Variants in FCRL4 observed in about 807,000 individuals in gnomAD.
FCRL4 encodes Fc receptor like 4.
In FCRL4, 43 loss-of-function variants were observed where a neutral mutation model predicts 64.1. That is an observed-to-expected ratio of 0.67 (90% CI 0.53 to 0.87). The LOEUF (loss-of-function observed/expected upper bound fraction) is 0.87, where lower values mean the gene tolerates loss of function less well. Ranked by LOEUF, FCRL4 falls within the 40% of genes least tolerant of loss-of-function variation. The pLI is 0.00. For synonymous variants in FCRL4, 253 were observed against 239.8 expected, an observed-to-expected ratio of 1.05 and a Z score of -0.51; for missense variants, 656 against 613.5, an observed-to-expected ratio of 1.07 and a Z score of -0.73.
intron 5 of FCRL4, 59 bp downstream of exon 5, chr1:157,587,217 C>T: frequency 1.9e-6 from 3 of 1,576,396 alleles, no homozygotes; most frequent in Non-Finnish European, 2.6e-6. Flanking sequence ...AGTCCCCATG[C>T]CTACAGAGCC....
At chr1:157,585,541 G>T (rs1652672355) in intron 6 of FCRL4, among the ~76,000 whole-genome samples, 4 of 151,986 alleles carry the variant, frequency 2.6e-5, no homozygotes, top group Admixed American at 2.0e-4. Flanking sequence ...GCCCAGTGTG[G>T]CTTCTCAGCG....
At position 157,575,258 on chromosome 1, in the gene FCRL4, C is replaced by A; in HGVS notation, c.*266G>T. 1 of 496,844 alleles carries A rather than the reference C, an allele frequency of 2.0e-6. No individual in the cohort carries two copies. The highest frequency in any genetic ancestry group is 3.7e-6 in the Non-Finnish European group (1 of 272,688). The allele number at this position is 496,844 out of a possible 1,614,324, so 30.8% of individuals were successfully genotyped here. On this transcript the variant is annotated 3_prime_UTR_variant, in exon 12 of 12. Coordinates refer to ENST00000271532, the MANE Select transcript of FCRL4 (RefSeq NM_031282.3). ...TCTCTAAAGCAGACCCTAGGGAATA[C>A]ATTAGGTCAGGCCCACAGCAAATAC...
intron 1 of FCRL4, among the ~76,000 whole-genome samples, chr1:157,597,400 T>C (rs1652990316): frequency 6.6e-6 from 1 of 152,198 alleles, no homozygotes; most frequent in African/African-American, 2.4e-5. Flanking sequence ...CACTGACAAG[T>C]GGTACAAAAG....
chr1:157,575,740 G>C lies in FCRL4; in HGVS notation c.1430-10C>G, dbSNP rs372191425. Reference sequence around the variant, plus strand: ...GTCCTGGAGGTATTAGCTGTGGACAGAAAGAGAATCACTGGACTATGGGCA... The same window carrying C: ...GTCCTGGAGGTATTAGCTGTGGACACAAAGAGAATCACTGGACTATGGGCA... On this transcript the variant is annotated splice_polypyrimidine_tract_variant and intron_variant, in intron 10 of 11. Coordinates refer to ENST00000271532, the MANE Select transcript of FCRL4 (RefSeq NM_031282.3). The C allele has an allele frequency of 6.2e-7, 1 of 1,613,398 alleles. No individual in the cohort carries two copies. The highest frequency in any genetic ancestry group is 8.5e-7 in the Non-Finnish European group (1 of 1,179,582).
rs1652741685 is a variant in FCRL4, at chr1:157,587,925, T to A, written c.502A>T (p.Ile168Phe). ...ACATCATTCTCGTCTCCATATCCAA[T>A]GCATCGATAATTGCCATTGTTATTT... Reference protein sequence around the residue: ...SSNNNGNYRCIGYGDENDVFR... With the variant: ...SSNNNGNYRCFGYGDENDVFR... Residue 168 changes from isoleucine to phenylalanine, a missense_variant, in exon 4 of 12, where the codon ATT (isoleucine) becomes TTT (phenylalanine). Transcript: ENST00000271532. 1 of 1,611,468 alleles carries A rather than the reference T, an allele frequency of 6.2e-7. No individual in the cohort carries two copies. The highest frequency in any genetic ancestry group is 1.3e-5 in the African/African-American group (1 of 74,924).
intron 7 of FCRL4, 33 bp downstream of exon 7, chr1:157,581,498 G>T (rs747991337): frequency 3.8e-6 from 6 of 1,577,876 alleles, no homozygotes; most frequent in Non-Finnish European, 5.2e-6. Context: ...GAAGGAACAG[G>T]GCAGGAACTG....
chr1:157,597,766 C>A, intron 1 of FCRL4, 148 bp downstream of exon 1: 1 of 580,228 alleles, frequency 1.7e-6, no homozygotes. Context: ...CCCCTTCTAC[C>A]AGTAAATCAT....
At chr1:157,582,868 T>G (rs999973013) in intron 6 of FCRL4, among the ~76,000 whole-genome samples, 2 of 152,198 alleles carry the variant, frequency 1.3e-5, no homozygotes, top group Admixed American at 1.3e-4. Context: ...CACTACATCC[T>G]GTATTGAATC....
At chr1:157,579,334 C>T (rs966579149) in intron 8 of FCRL4, among the ~76,000 whole-genome samples, 1 of 152,200 alleles carries the variant, frequency 6.6e-6, no homozygotes, top group Admixed American at 6.5e-5. Flanking sequence ...GATGCCATTG[C>T]ACTCCAGCCT....
intron 6 of FCRL4, among the ~76,000 whole-genome samples, chr1:157,585,344 C>CTCTCTCTCTCTT (rs1386601138): frequency 1.7e-4 from 14 of 81,314 alleles, no homozygotes; most frequent in Non-Finnish European, 3.1e-4. Context: ...CTTTCTCTCT[C>CTCTCTCTCTCTT]TCTTTCTTTC....
intron 2 of FCRL4, among the ~76,000 whole-genome samples, chr1:157,594,700 G>A (rs1652920309): frequency 1.3e-5 from 2 of 152,112 alleles, no homozygotes; most frequent in Admixed American, 1.3e-4. Flanking sequence ...CTTTTTTAAA[G>A]CTTAAAACTT....
chr1:157,584,237 C>T (rs970905370), intron 6 of FCRL4, among the ~76,000 whole-genome samples: 3 of 152,144 alleles, frequency 2.0e-5, no homozygotes, highest in African/African-American at 4.8e-5. Flanking sequence ...AGGAGTCTTT[C>T]GAGGGAGCCC....
Position 157,597,905 on chromosome 1 carries a change from A to G in FCRL4, c.31+9T>C. ...TGCAGCAAGCAAAGGTCTCCTCCCC[A>G]TCACTTACCAAAGGCCAGCAAGGAC... is the stretch of plus-strand genomic sequence containing the variant. On this transcript the variant is annotated intron_variant, in intron 1 of 11. Coordinates refer to ENST00000271532, the MANE Select transcript of FCRL4 (RefSeq NM_031282.3). 2.5e-6 allele frequency: 4 copies of G among 1,612,706 alleles called. No individual in the cohort carries two copies. Among genetic ancestry groups the G allele is most frequent in the Non-Finnish European group, 3.4e-6 (4 of 1,179,072 alleles).
At chr1:157,579,688 G>C (rs1182312066) in intron 8 of FCRL4, among the ~76,000 whole-genome samples, 2 of 147,812 alleles carry the variant, frequency 1.4e-5, no homozygotes, top group Admixed American at 6.9e-5. Context: ...CTGCACTCCA[G>C]CCTGGGTGAC....
At chr1:157,592,320 T>C (rs1364455640) in intron 2 of FCRL4, among the ~76,000 whole-genome samples, 1 of 151,976 alleles carries the variant, frequency 6.6e-6, no homozygotes, top group African/African-American at 2.4e-5. Context: ...ACCTACAGAA[T>C]GGGAGAAAAA....
chr1:157,588,057 G>T lies in FCRL4; in HGVS notation c.370C>A (p.His124Asn). Reference protein sequence around the residue: ...FEGDTLVLRCHRRRKEKLTAV... With the variant: ...FEGDTLVLRCNRRRKEKLTAV... ...GTCAATTTCTCTTTCCTTCTTCTGT[G>T]GCATCTCAGAACCAATGTGTCACCT... The change falls in exon 4 of 12, where the codon CAC (histidine) becomes AAC (asparagine). Residue 124 changes from histidine (H) to asparagine (N), a missense_variant. His to Asn is a moderately conservative substitution (Grantham distance 68). Coordinates refer to ENST00000271532, the MANE Select transcript of FCRL4 (RefSeq NM_031282.3). 6.2e-7 allele frequency: 1 copy of T among 1,613,530 alleles called. No individual in the cohort carries two copies. The highest frequency in any genetic ancestry group is 8.5e-7 in the Non-Finnish European group (1 of 1,179,804).
At chr1:157,580,198 G>T in intron 8 of FCRL4, 123 bp downstream of exon 8, 1 of 1,047,432 alleles carries the variant, frequency 9.5e-7, no homozygotes, top group Non-Finnish European at 1.5e-6. Context: ...CATGGAGTGT[G>T]AAAATGGAAG....
chr1:157,588,070 C>A lies in FCRL4; in HGVS notation c.357G>T (p.Leu119Phe), dbSNP rs755030060. The part of the protein sequence containing the change: ...APYSVFEGDT[L>F]VLRCHRRRKE... ...TCCTTCTTCTGTGGCATCTCAGAAC[C>A]AATGTGTCACCTTCAAACACAGAAT... is the stretch of plus-strand genomic sequence containing the variant. The change falls in exon 4 of 12, where the codon TTG (leucine) becomes TTT (phenylalanine). Residue 119 changes from leucine (L) to phenylalanine (F), a missense_variant. Coordinates refer to ENST00000271532, the MANE Select transcript of FCRL4 (RefSeq NM_031282.3). 1 of 1,613,754 alleles carries A rather than the reference C, an allele frequency of 6.2e-7. No homozygotes were observed. Among genetic ancestry groups the A allele is most frequent in the South Asian group, 1.1e-5 (1 of 90,974 alleles).
chr1:157,587,235 CAG>C lies in FCRL4; in HGVS notation c.847+39_847+40del, dbSNP rs767631223. ...CCCCATGCCTACAGAGCCCAAGGGG[CAG>C]AGAGAGGCAGGGAAGATGCCTGGCT... On this transcript the variant is annotated intron_variant, in intron 5 of 11. Coordinates refer to ENST00000271532, the MANE Select transcript of FCRL4 (RefSeq NM_031282.3). 8.1e-6 allele frequency: 13 copies of C among 1,599,470 alleles called. No homozygotes were observed. In the South Asian group the frequency reaches 1.5e-4, roughly 18 times the overall value.
Sources: allele counts gnomAD v4.1 joint callset (sites outside exome capture counted in the v4.1 genomes callset), GRCh38; gene constraint gnomAD v4.1.1; transcripts MANE v1.5; gene names NCBI Gene and HGNC (gene_info 2026-07-23, HGNC 2026-07-21).